The following PRKG1 variants were observed in gnomAD, a reference collection of about 807,000 sequenced individuals.
PRKG1 encodes the protein cGMP-dependent protein kinase 1.
Under a neutral mutation model 88.1 loss-of-function variants are expected in PRKG1, and 35 were observed. The observed-to-expected ratio is 0.40, with a 90% CI of 0.30 to 0.53. The LOEUF is 0.53. Among genes scored for constraint, PRKG1 ranks in the 20% least tolerant of loss-of-function variants. PRKG1 has a pLI of 0.59. For synonymous variants in PRKG1, 303 were observed against 292.5 expected (o/e 1.04, Z -0.37); for missense variants, 540 against 839.8 (o/e 0.64, Z 4.41).
chr10:52,084,283 A>C (rs1255143582), intron 7 of PRKG1, among the ~76,000 whole-genome samples: 1 of 152,056 alleles, frequency 6.6e-6, no homozygotes, highest in Non-Finnish European at 1.5e-5. Context: ...TGCTCAACTA[A>C]GATGCTTTCA....
At chr10:52,241,910 G>A (rs953079719) in intron 9 of PRKG1, among the ~76,000 whole-genome samples, 3 of 152,164 alleles carry the variant, frequency 2.0e-5, no homozygotes, top group African/African-American at 7.2e-5. Flanking sequence ...ACAAAGCAAA[G>A]ACTCTTCTTA....
At chr10:51,877,236 T>C (rs1415888548) in intron 4 of PRKG1, among the ~76,000 whole-genome samples, 1 of 152,120 alleles carries the variant, frequency 6.6e-6, no homozygotes, top group Non-Finnish European at 1.5e-5. Flanking sequence ...GCTTTCCAGA[T>C]TATCTTTCTT....
At chr10:52,216,732 G>A (rs1373415656) in intron 9 of PRKG1, among the ~76,000 whole-genome samples, 1 of 151,958 alleles carries the variant, frequency 6.6e-6, no homozygotes, top group Non-Finnish European at 1.5e-5. Flanking sequence ...GTTTTGGTGC[G>A]GTTTTTTAAG....
chr10:51,304,269 C>A (rs1840974407), intron 2 of PRKG1, among the ~76,000 whole-genome samples: 1 of 151,896 alleles, frequency 6.6e-6, no homozygotes, highest in Admixed American at 6.6e-5. Context: ...CGTAGAGATA[C>A]CTTGATATAG....
chr10:51,362,035 A>G (rs913308196), intron 2 of PRKG1, among the ~76,000 whole-genome samples: 5 of 151,934 alleles, frequency 3.3e-5, no homozygotes, highest in African/African-American at 1.2e-4. Context: ...AAACTGAAAT[A>G]AAAATTAAGT....
At chr10:51,463,379 C>T (rs1450585614) in intron 2 of PRKG1, among the ~76,000 whole-genome samples, 3 of 152,180 alleles carry the variant, frequency 2.0e-5, no homozygotes, top group Admixed American at 2.0e-4. Context: ...CTGCATTTTC[C>T]CTATTTGTTT....
At chr10:51,985,540 A>T (rs894784453) in intron 5 of PRKG1, among the ~76,000 whole-genome samples, 1 of 152,228 alleles carries the variant, frequency 6.6e-6, no homozygotes, top group Admixed American at 6.5e-5. Context: ...TGCTTCTGTC[A>T]GCTCTTGGCA....
At chr10:51,090,933 CCAGACCAAGAAG>C (rs1174247074) in intron 1 of PRKG1, among the ~76,000 whole-genome samples, 1 of 152,142 alleles carries the variant, frequency 6.6e-6, no homozygotes, top group Non-Finnish European at 1.5e-5. Context: ...TGTTTTCTGT[CCAGACCAAGAAG>C]CTATCAGACG....
chr10:51,205,376 ATCTG>A (rs1251201344), intron 2 of PRKG1, among the ~76,000 whole-genome samples: 3 of 150,826 alleles, frequency 2.0e-5, no homozygotes, highest in African/African-American at 7.3e-5. Context: ...ACCTCCAGTG[ATCTG>A]TCTGCCTCGG....
intron 2 of PRKG1, among the ~76,000 whole-genome samples, chr10:51,447,010 C>T (rs941262429): frequency 3.3e-5 from 5 of 151,972 alleles, no homozygotes; most frequent in Admixed American, 6.6e-5. Context: ...ACTCTTGGCA[C>T]CAGTTGTTTC....
At chr10:51,289,425 C>G (rs558923347) in intron 2 of PRKG1, among the ~76,000 whole-genome samples, 2 of 152,256 alleles carry the variant, frequency 1.3e-5, no homozygotes, top group South Asian at 4.1e-4. Context: ...AGCTTGACAA[C>G]AGTGGACTAG....
intron 5 of PRKG1, chr10:51,907,828 T>C (rs1842120271): frequency 2.8e-6 from 1 of 358,276 alleles, no homozygotes; most frequent in East Asian, 4.5e-5. Flanking sequence ...TACTTTGACT[T>C]ACTAGAATAG....
intron 3 of PRKG1, among the ~76,000 whole-genome samples, chr10:51,606,336 C>G (rs568210180): frequency 1.3e-5 from 2 of 152,302 alleles, no homozygotes; most frequent in Non-Finnish European, 2.9e-5. Flanking sequence ...ACTGGTAACT[C>G]TTTCTGAGGC....
At chr10:51,731,367 TA>T (rs1358156616) in intron 3 of PRKG1, among the ~76,000 whole-genome samples, 1 of 151,976 alleles carries the variant, frequency 6.6e-6, no homozygotes, top group Non-Finnish European at 1.5e-5. Flanking sequence ...TTCTTAAATT[TA>T]AAAAAAATGG....
At chr10:52,151,275 C>A (rs1251606178) in intron 8 of PRKG1, among the ~76,000 whole-genome samples, 1 of 151,636 alleles carries the variant, frequency 6.6e-6, no homozygotes, top group Non-Finnish European at 1.5e-5. Flanking sequence ...TCGGTTTTTT[C>A]CTTCTGAAAA....
chr10:51,133,522 T>C (rs542107155), intron 1 of PRKG1, among the ~76,000 whole-genome samples: 21 of 152,242 alleles, frequency 1.4e-4, no homozygotes, highest in Admixed American at 9.8e-4. Flanking sequence ...TGGACAAACA[T>C]TGAGGAAATA....
chr10:51,085,437 A>G (rs953613713), intron 1 of PRKG1, among the ~76,000 whole-genome samples: 1 of 152,178 alleles, frequency 6.6e-6, no homozygotes, highest in African/African-American at 2.4e-5. Flanking sequence ...ATAAGAAAAT[A>G]TGCACTGGAA....
At chr10:51,221,969 G>A (rs998298760) in intron 2 of PRKG1, among the ~76,000 whole-genome samples, 1 of 150,618 alleles carries the variant, frequency 6.6e-6, no homozygotes, top group Admixed American at 6.6e-5. Flanking sequence ...CTGTATCCCG[G>A]GTTCAAGCAA....
At chr10:51,409,030 A>G (rs955082473) in intron 2 of PRKG1, among the ~76,000 whole-genome samples, 1 of 152,188 alleles carries the variant, frequency 6.6e-6, no homozygotes, top group Non-Finnish European at 1.5e-5. Flanking sequence ...CCCATGAATC[A>G]GTATATAATT....
Sources: gnomAD v4.1 joint callset for allele counts (sites outside exome capture counted in the v4.1 genomes callset) on GRCh38, gnomAD v4.1.1 for gene constraint, MANE v1.5 for transcripts, NCBI Gene and HGNC (gene_info 2026-07-23, HGNC 2026-07-21) for gene names.